Variants in DMXL1 observed in about 807,000 individuals in gnomAD.
The protein encoded by DMXL1 is dmX-like protein 1.
Under a neutral mutation model 319.2 loss-of-function variants are expected in DMXL1, and 99 were observed. The ratio of observed to expected loss-of-function variants is 0.31; its 90% CI spans 0.26 to 0.37. The LOEUF (loss-of-function observed/expected upper bound fraction) is 0.37. Among genes scored for constraint, DMXL1 ranks in the 10% least tolerant of loss-of-function variants. DMXL1 has a pLI of 1.00. For missense variants in DMXL1, 3,745 were observed against 3,595.6 expected (o/e 1.04, Z -1.06); for synonymous variants, 1,385 against 1,235.2 (o/e 1.12, Z -2.54).
Position 119,237,379 on chromosome 5 carries a change from T to C in DMXL1, c.8524T>C (p.Cys2842Arg), listed in dbSNP as rs754011604. 8.1e-6 allele frequency: 13 copies of C among 1,605,506 alleles called. No homozygotes were observed. The highest frequency in any genetic ancestry group is 1.1e-5 in the South Asian group (1 of 89,660). The change falls in exon 40 of 44, where the codon TGT (cysteine) becomes CGT (arginine). Residue 2842 changes from cysteine (C) to arginine (R), a missense_variant. Coordinates refer to ENST00000539542, the MANE Select transcript of DMXL1 (RefSeq NM_001290321.3). ...LSLYQTNWKC[C>R]PVTGSMPKPY... ...TTTGTATCAAACAAACTGGAAATGT[T>C]GTCCAGTTACTGGAAGCATGCCTAA...
intron 43 of DMXL1, 77 bp downstream of exon 43, chr5:119,244,653 T>C: frequency 1.0e-6 from 1 of 1,000,036 alleles, no homozygotes; most frequent in Non-Finnish European, 1.5e-6. Context: ...ATTGATGACA[T>C]CAATCTATTT....
At chr5:119,111,732 G>C (rs190292635) in intron 5 of DMXL1, among the ~76,000 whole-genome samples, 16 of 152,276 alleles carry the variant, frequency 1.1e-4, no homozygotes, top group South Asian at 4.1e-4. Flanking sequence ...TTAAAAGTAG[G>C]CCTTAAATTA....
chr5:119,159,744 C>G (rs566366649), intron 19 of DMXL1, among the ~76,000 whole-genome samples: 87 of 152,334 alleles, frequency 5.7e-4, no homozygotes, highest in African/African-American at 2.0e-3. Flanking sequence ...CTGCCTCAAT[C>G]TCTCAAGTAG....
intron 38 of DMXL1, among the ~76,000 whole-genome samples, chr5:119,232,697 G>A (rs183566988): frequency 1.4e-4 from 22 of 151,906 alleles, no homozygotes; most frequent in East Asian, 3.9e-4. Flanking sequence ...AAACAAGTCC[G>A]GTGCAGTGGC....
At chr5:119,208,559 T>G (rs1782162416) in intron 34 of DMXL1, among the ~76,000 whole-genome samples, 1 of 152,196 alleles carries the variant, frequency 6.6e-6, no homozygotes. Flanking sequence ...TGATGCTGTT[T>G]ATAAAATGCT....
chr5:119,098,900 C>T (rs1301920930), intron 2 of DMXL1, among the ~76,000 whole-genome samples: 2 of 152,102 alleles, frequency 1.3e-5, no homozygotes, highest in African/African-American at 4.8e-5. Flanking sequence ...ATTAAGAGTC[C>T]ATGGACCCAA....
intron 19 of DMXL1, among the ~76,000 whole-genome samples, chr5:119,155,174 TC>T (rs1411891529): frequency 2.6e-5 from 4 of 152,236 alleles, no homozygotes; most frequent in African/African-American, 9.6e-5. Flanking sequence ...AACACAACAT[TC>T]ATTTTGCAGT....
chr5:119,110,946 A>G (rs1580756728), intron 5 of DMXL1, among the ~76,000 whole-genome samples: 1 of 152,110 alleles, frequency 6.6e-6, no homozygotes, highest in East Asian at 1.9e-4. Flanking sequence ...GCGCCACCAC[A>G]TCTGGCTAAT....
At chr5:119,200,327 G>A (rs1201149218) in intron 32 of DMXL1, among the ~76,000 whole-genome samples, 1 of 152,270 alleles carries the variant, frequency 6.6e-6, no homozygotes, top group South Asian at 2.1e-4. Context: ...TTATAGAATA[G>A]GGAGTCTTTT....
intron 19 of DMXL1, among the ~76,000 whole-genome samples, chr5:119,162,880 G>A (rs1220232677): frequency 2.0e-5 from 3 of 152,068 alleles, no homozygotes; most frequent in African/African-American, 4.8e-5. Flanking sequence ...AAAGTGTTCC[G>A]TATAGAAAGC....
rs75413940 is a variant in DMXL1 at position 119,173,997 on chromosome 5, T to C, written c.6682-1264T>C. ...AGCAGGCTGAAGACCCAAAAAGAGC[T>C]GATGTTTTAGTTCAAGTCTGAAGAC... On this transcript the variant is annotated intron_variant, in intron 25 of 43. Coordinates refer to ENST00000539542, the MANE Select transcript of DMXL1 (RefSeq NM_001290321.3). Among the ~76,000 whole-genome samples, 574 of 151,312 alleles carry C rather than the reference T, an allele frequency of 3.8e-3. 5 individuals are homozygous for C. The highest frequency in any genetic ancestry group is 0.014 in the African/African-American group (558 of 41,168).
chr5:119,178,589 A>C (rs1326356969), intron 28 of DMXL1: 2 of 985,070 alleles, frequency 2.0e-6, no homozygotes, highest in Non-Finnish European at 2.4e-6. Flanking sequence ...GCACTTTGCT[A>C]TGCCTAGCCC....
At chr5:119,194,414 T>C (rs1317774884) in intron 30 of DMXL1, among the ~76,000 whole-genome samples, 1 of 152,258 alleles carries the variant, frequency 6.6e-6, no homozygotes, top group Non-Finnish European at 1.5e-5. Flanking sequence ...ACTCTGTATG[T>C]CATACACATG....
intron 1 of DMXL1, among the ~76,000 whole-genome samples, chr5:119,094,977 T>C (rs1755605687): frequency 6.6e-6 from 1 of 152,228 alleles, no homozygotes; most frequent in South Asian, 2.1e-4. Context: ...CACCTCAGCC[T>C]TTTGGGTAGC....
intron 9 of DMXL1, among the ~76,000 whole-genome samples, chr5:119,126,449 A>G (rs1399278108): frequency 6.6e-6 from 1 of 152,170 alleles, no homozygotes; most frequent in Non-Finnish European, 1.5e-5. Context: ...CAGTCATACC[A>G]CCAGGACATG....
At chr5:119,132,599 C>T (rs1255779941) in intron 10 of DMXL1, 2 of 296,044 alleles carry the variant, frequency 6.8e-6, no homozygotes, top group East Asian at 1.8e-4. Flanking sequence ...ATTGCTTGGA[C>T]CCGGGCAGCA....
intron 7 of DMXL1, among the ~76,000 whole-genome samples, chr5:119,118,226 G>T (rs1055286396): frequency 6.6e-6 from 1 of 152,168 alleles, no homozygotes; most frequent in African/African-American, 2.4e-5. Context: ...ACTGCTTTGG[G>T]CATCTGTTAG....
intron 1 of DMXL1, among the ~76,000 whole-genome samples, chr5:119,089,699 C>T (rs1754272883): frequency 6.7e-6 from 1 of 149,318 alleles, no homozygotes; most frequent in African/African-American, 2.5e-5. Context: ...AATCTTGTCT[C>T]ACCGCAACCT....
intron 41 of DMXL1, among the ~76,000 whole-genome samples, chr5:119,239,730 C>T (rs1362908060): frequency 1.3e-5 from 2 of 151,962 alleles, no homozygotes; most frequent in Admixed American, 6.6e-5. Flanking sequence ...CCGAGGTGGG[C>T]GGATCACTTG....
Sources: gnomAD v4.1 joint callset for allele counts (sites outside exome capture counted in the v4.1 genomes callset) on GRCh38, gnomAD v4.1.1 for gene constraint, MANE v1.5 for transcripts, NCBI Gene and HGNC (gene_info 2026-07-23, HGNC 2026-07-21) for gene names.